Variants in ZNF385D observed in about 807,000 individuals in gnomAD.
ZNF385D encodes zinc finger protein 659.
Under a neutral mutation model 35.8 loss-of-function variants are expected in ZNF385D, and 15 were observed. The ratio of observed to expected loss-of-function variants is 0.42; its 90% confidence interval spans 0.28 to 0.64. The LOEUF (loss-of-function observed/expected upper bound fraction) is 0.64. Among genes scored for constraint, ZNF385D ranks in the 30% least tolerant of loss-of-function variants. ZNF385D has a pLI of 0.23. For synonymous variants in ZNF385D, 212 were observed against 186.8 expected, an observed-to-expected ratio of 1.13 and a Z score of -1.10; for missense variants, 474 against 494.6, an observed-to-expected ratio of 0.96 and a Z score of 0.39.
intron 3 of ZNF385D, among the ~76,000 whole-genome samples, chr3:21,916,311 G>A (rs1700191078): frequency 6.6e-6 from 1 of 152,002 alleles, no homozygotes; most frequent in African/African-American, 2.4e-5. Flanking sequence ...TCTGGTATTT[G>A]AATCTTATTT....
intron 2 of ZNF385D, among the ~76,000 whole-genome samples, chr3:22,182,513 G>C (rs888748148): frequency 6.6e-6 from 1 of 151,844 alleles, no homozygotes; most frequent in African/African-American, 2.4e-5. Context: ...ACACATTGCA[G>C]GGATCCACAA....
chr3:21,624,088 C>T (rs1378821540), intron 2 of ZNF385D, among the ~76,000 whole-genome samples: 1 of 152,038 alleles, frequency 6.6e-6, no homozygotes, highest in East Asian at 1.9e-4. Flanking sequence ...TTAAAATTAT[C>T]CAATTCAGCT....
chr3:22,337,073 T>C lies in ZNF385D; in HGVS notation c.106+35377A>G, dbSNP rs200203065. ...CTGCTGTCAAAGAGTAGAAAGTCAA[T>C]AAAAATTATATATTTAGTAACACTT... On this transcript the variant is annotated intron_variant, in intron 2 of 5. Transcript: ENST00000494108. 1.1e-4 allele frequency among the ~76,000 whole-genome samples: 17 copies of C among 152,046 alleles called. No homozygotes were observed. The East Asian group carries it at 3.3e-3, about 29-fold the overall frequency.
At chr3:21,489,228 G>T (rs896522654) in intron 4 of ZNF385D, among the ~76,000 whole-genome samples, 1 of 152,062 alleles carries the variant, frequency 6.6e-6, no homozygotes, top group Non-Finnish European at 1.5e-5. Context: ...GAGTCTACAC[G>T]GTCCAGGAAG....
At chr3:22,175,163 G>C (rs1694736395) in intron 2 of ZNF385D, among the ~76,000 whole-genome samples, 1 of 151,684 alleles carries the variant, frequency 6.6e-6, no homozygotes, top group Non-Finnish European at 1.5e-5. Flanking sequence ...CAATTTTCTT[G>C]ACCAGCTCAT....
intron 2 of ZNF385D, among the ~76,000 whole-genome samples, chr3:21,615,671 CTTTA>C (rs1166930666): frequency 6.6e-5 from 10 of 151,964 alleles, no homozygotes; most frequent in East Asian, 3.9e-4. Context: ...TTGTCCTTTG[CTTTA>C]TTTGTCATTT....
At chr3:21,522,391 G>A (rs1329874983) in intron 3 of ZNF385D, among the ~76,000 whole-genome samples, 1 of 152,090 alleles carries the variant, frequency 6.6e-6, no homozygotes, top group South Asian at 2.1e-4. Context: ...AGGCTAGAGT[G>A]CAATGGCACG....
Position 21,690,479 on chromosome 3 carries a change from G to A in ZNF385D, c.23-25451C>T, listed in dbSNP as rs1453448112. On this transcript the variant is annotated intron_variant, in intron 1 of 7. Coordinates refer to ENST00000281523, the MANE Select transcript of ZNF385D (RefSeq NM_024697.3). ...CAGGTCAACCTTGCAGAAAGCATAA[G>A]CTGAGCCCCACCCAACTTAACTTCT... 5.9e-5 allele frequency among the ~76,000 whole-genome samples: 9 copies of A among 152,254 alleles called. No homozygotes were observed. In the East Asian group the frequency reaches 1.5e-3, roughly 26 times the overall value.
At chr3:21,773,134 A>G (rs2125616871) in intron 3 of ZNF385D, among the ~76,000 whole-genome samples, 1 of 152,012 alleles carries the variant, frequency 6.6e-6, no homozygotes, top group Non-Finnish European at 1.5e-5. Context: ...AAAGGTGGTA[A>G]TGGTTGCACA....
At chr3:22,063,729 G>C (rs1195929360) in intron 3 of ZNF385D, among the ~76,000 whole-genome samples, 1 of 152,072 alleles carries the variant, frequency 6.6e-6, no homozygotes, top group African/African-American at 2.4e-5. Context: ...GCTGAAAATA[G>C]GCGTCTCACC....
At chr3:21,805,595 G>A (rs1021212214) in intron 3 of ZNF385D, among the ~76,000 whole-genome samples, 1 of 152,120 alleles carries the variant, frequency 6.6e-6, no homozygotes, top group Non-Finnish European at 1.5e-5. Context: ...CTCTTCTGAG[G>A]ACCAATTTTG....
rs538600280 is a variant in ZNF385D at position 22,278,508 on chromosome 3, C to T, written c.106+93942G>A. Among the ~76,000 whole-genome samples the T allele has an allele frequency of 6.6e-5, 10 of 152,114 alleles. No individual in the cohort carries two copies. In the South Asian group the frequency reaches 1.7e-3, roughly 25 times the overall value. ...ATCTGGGGTGGATCCAATGACTTTC[C>T]GATAACTAAAGTATTGAACAATATA... is the stretch of plus-strand genomic sequence containing the variant. On this transcript the variant is annotated intron_variant, in intron 2 of 5. Coordinates refer to the ZNF385D transcript ENST00000494108.
chr3:22,154,226 G>C (rs1281851554), intron 3 of ZNF385D, among the ~76,000 whole-genome samples: 1 of 152,118 alleles, frequency 6.6e-6, no homozygotes, highest in East Asian at 1.9e-4. Context: ...TACAATTGAA[G>C]CTCATTTCAT....
At chr3:21,472,026 A>G (rs1358461643) in intron 4 of ZNF385D, among the ~76,000 whole-genome samples, 1 of 152,176 alleles carries the variant, frequency 6.6e-6, no homozygotes, top group East Asian at 1.9e-4. Flanking sequence ...CTTGAAATAC[A>G]TTCAACACAG....
intron 3 of ZNF385D, among the ~76,000 whole-genome samples, chr3:22,116,124 A>G (rs1213541053): frequency 6.6e-6 from 1 of 152,114 alleles, no homozygotes; most frequent in Non-Finnish European, 1.5e-5. Context: ...ACGGTAGGAT[A>G]ATAATCTTTA....
intron 3 of ZNF385D, among the ~76,000 whole-genome samples, chr3:21,759,544 T>A (rs929320339): frequency 6.6e-6 from 1 of 152,126 alleles, no homozygotes; most frequent in Non-Finnish European, 1.5e-5. Flanking sequence ...GACAGAAATA[T>A]AATAATATGC....
At chr3:21,887,891 A>T (rs912045316) in intron 3 of ZNF385D, among the ~76,000 whole-genome samples, 2 of 152,154 alleles carry the variant, frequency 1.3e-5, no homozygotes, top group Non-Finnish European at 2.9e-5. Context: ...GTTGTTTCTG[A>T]ATTGTAACAG....
intron 2 of ZNF385D, among the ~76,000 whole-genome samples, chr3:21,618,925 C>T (rs566972972): frequency 3.9e-5 from 6 of 152,222 alleles, no homozygotes; most frequent in South Asian, 2.1e-4. Flanking sequence ...GCTGTTTTTA[C>T]GGAACTAGGG....
chr3:21,466,276 G>A (rs534724888), intron 4 of ZNF385D, among the ~76,000 whole-genome samples: 2 of 152,200 alleles, frequency 1.3e-5, no homozygotes, highest in South Asian at 2.1e-4. Context: ...CCTGCTTAAT[G>A]TTCTAGACTC....
Sources: allele counts gnomAD v4.1 joint callset (sites outside exome capture counted in the v4.1 genomes callset), GRCh38; gene constraint gnomAD v4.1.1; transcripts MANE v1.5; gene names NCBI Gene and HGNC (gene_info 2026-07-23, HGNC 2026-07-21).